CTSS: variants seen among roughly 807,000 people sequenced by gnomAD.
CTSS encodes cathepsin S.
In CTSS, 15 loss-of-function variants were observed where a neutral mutation model predicts 39.9. The ratio of observed to expected loss-of-function variants is 0.38; its 90% CI spans 0.25 to 0.58. CTSS has a LOEUF of 0.58. CTSS is among the 20% of genes least tolerant of loss of function. The pLI, the probability that CTSS is intolerant of heterozygous loss-of-function variation, is 0.70. For synonymous variants in CTSS, 126 were observed against 138.2 expected, an observed-to-expected ratio of 0.91 and a Z score of 0.62; for missense variants, 250 against 398.2, an observed-to-expected ratio of 0.63 and a Z score of 3.17.
intron 7 of CTSS, 95 bp from the exon 8 acceptor site, chr1:150,733,240 C>A: frequency 1.1e-6 from 1 of 870,666 alleles, no homozygotes; most frequent in African/African-American, 1.7e-5. Flanking sequence ...TAAGTGATTA[C>A]ATATGAAAGG....
intron 5 of CTSS, among the ~76,000 whole-genome samples, chr1:150,751,185 G>A (rs1026304437): frequency 6.6e-6 from 1 of 152,122 alleles, no homozygotes; most frequent in African/African-American, 2.4e-5. Context: ...GAATAAGGTT[G>A]AGCATGGGAG....
chr1:150,759,074 T>C (rs1653198493), intron 2 of CTSS, among the ~76,000 whole-genome samples: 1 of 151,092 alleles, frequency 6.6e-6, no homozygotes, highest in South Asian at 2.1e-4. Context: ...CTCCCTATGT[T>C]GCCTAGGCTG....
chr1:150,741,800 G>C (rs1652762201), intron 7 of CTSS, among the ~76,000 whole-genome samples: 1 of 151,976 alleles, frequency 6.6e-6, no homozygotes, highest in Non-Finnish European at 1.5e-5. Context: ...ACTTGAACCT[G>C]GGAGACGGAG....
chr1:150,755,272 G>T (rs1374099157), intron 3 of CTSS, 122 bp from the exon 4 acceptor site: 3 of 1,095,826 alleles, frequency 2.7e-6, no homozygotes, highest in Admixed American at 2.0e-5. Flanking sequence ...AACCTAGAGC[G>T]TATTGGCTCC....
intron 7 of CTSS, among the ~76,000 whole-genome samples, chr1:150,741,426 A>G (rs1176326073): frequency 6.6e-6 from 1 of 152,218 alleles, no homozygotes; most frequent in African/African-American, 2.4e-5. Flanking sequence ...TGATTATGTC[A>G]TAGTTTATTT....
intron 3 of CTSS, among the ~76,000 whole-genome samples, chr1:150,756,354 G>A (rs1653127596): frequency 6.6e-6 from 1 of 152,192 alleles, no homozygotes; most frequent in Admixed American, 6.5e-5. Flanking sequence ...ATAAGTAGGA[G>A]TACACTCTAA....
chr1:150,736,262 G>C (rs1383557268), intron 7 of CTSS, among the ~76,000 whole-genome samples: 1 of 152,106 alleles, frequency 6.6e-6, no homozygotes, highest in African/African-American at 2.4e-5. Flanking sequence ...CCTGTGAGGT[G>C]AATATTATCT....
At chr1:150,750,910 G>A (rs1371607057) in intron 5 of CTSS, among the ~76,000 whole-genome samples, 1 of 152,100 alleles carries the variant, frequency 6.6e-6, no homozygotes, top group East Asian at 1.9e-4. Context: ...CCAAAGTGCT[G>A]ACATTACAGG....
chr1:150,764,728 G>A lies in CTSS; in HGVS notation c.36C>T (p.Ser12=). 6.2e-7 allele frequency: 1 copy of A among 1,614,060 alleles called. No homozygotes were observed. The highest frequency in any genetic ancestry group is 8.5e-7 in the Non-Finnish European group (1 of 1,180,000). Residue 12 remains serine (S), a synonymous_variant, in exon 2 of 8, where the codon TCC becomes TCT. Coordinates refer to ENST00000368985, the MANE Select transcript of CTSS (RefSeq NM_004079.5). ...CTTTATGCAACTGTGCCACTGCAGA[G>A]GAGCACACCAAGAGCACACAAACCA... ...KRLVCVLLVC[S]SAVAQLHKDP... is the part of the protein sequence containing the mutation.
In CTSS at chr1:150,751,849, T is replaced by C; in HGVS notation, c.559A>G (p.Thr187Ala). 1 of 1,614,182 alleles carries C rather than the reference T, an allele frequency of 6.2e-7. No individual in the cohort carries two copies. Among genetic ancestry groups the C allele is most frequent in the Non-Finnish European group, 8.5e-7 (1 of 1,180,028 alleles). The change falls in exon 5 of 8, where the codon ACG becomes GCG. Residue 187 changes from threonine to alanine, a missense_variant. Transcript: ENST00000368985. ...NKGCNGGFMT[T>A]AFQYIIDNKG... ...TTATCAATGATGTACTGGAAAGCCG[T>C]TGTCATGAAGCCACCATTGCAGCCT... is the stretch of plus-strand genomic sequence containing the variant.
At chr1:150,737,021 AG>A (rs1652648368) in intron 7 of CTSS, among the ~76,000 whole-genome samples, 1 of 152,250 alleles carries the variant, frequency 6.6e-6, no homozygotes, top group South Asian at 2.1e-4. Flanking sequence ...TTTGGTATAT[AG>A]CCAATGCTTA....
At chr1:150,756,654 T>C (rs1470718339) in intron 3 of CTSS, among the ~76,000 whole-genome samples, 1 of 151,980 alleles carries the variant, frequency 6.6e-6, no homozygotes, top group Non-Finnish European at 1.5e-5. Flanking sequence ...AAAATGCATA[T>C]GACACATGAC....
intron 2 of CTSS, among the ~76,000 whole-genome samples, chr1:150,763,918 T>C (rs1653312495): frequency 6.6e-6 from 1 of 152,134 alleles, no homozygotes; most frequent in East Asian, 1.9e-4. Context: ...ACCTTCACTC[T>C]ATTATGTATT....
intron 3 of CTSS, among the ~76,000 whole-genome samples, chr1:150,756,707 T>C (rs953679205): frequency 1.4e-5 from 2 of 138,994 alleles, no homozygotes; most frequent in African/African-American, 5.2e-5. Flanking sequence ...TTTCTTTCTT[T>C]CTTTTTTTTT....
At position 150,764,683 on chromosome 1, in the gene CTSS, G is replaced by A. The variant is rs761829673; in HGVS notation, c.81C>T (p.His27=). Residue 27 remains histidine (H), a synonymous_variant, in exon 2 of 8, where the codon CAC becomes CAT. Transcript: ENST00000368985. ...CATAGGTTTTCTTCCAGAGATGCCA[G>A]TGGTGATCCAGGGTAGGATCTTTAT... ...QLHKDPTLDH[H]WHLWKKTYGK... The A allele has an allele frequency of 6.2e-7, 1 of 1,614,066 alleles. No individual in the cohort carries two copies. Among genetic ancestry groups the A allele is most frequent in the African/African-American group, 1.3e-5 (1 of 74,930 alleles).
intron 4 of CTSS, 71 bp downstream of exon 4, chr1:150,754,930 A>C: frequency 6.7e-7 from 1 of 1,490,110 alleles, no homozygotes; most frequent in East Asian, 2.3e-5. Context: ...TTCACTGTCA[A>C]ATTCTGTAGC....
intron 5 of CTSS, 91 bp downstream of exon 5, chr1:150,751,690 C>CA: frequency 9.0e-7 from 1 of 1,115,412 alleles, no homozygotes; most frequent in South Asian, 1.4e-5. Flanking sequence ...TACTGCTTCT[C>CA]AAGCAATTGG....
chr1:150,751,232 T>C (rs1652999222), intron 5 of CTSS, among the ~76,000 whole-genome samples: 1 of 152,058 alleles, frequency 6.6e-6, no homozygotes, highest in African/African-American at 2.4e-5. Context: ...GAGAAATAAT[T>C]TTAAGGATAG....
At chr1:150,760,506 A>G (rs1163938505) in intron 2 of CTSS, among the ~76,000 whole-genome samples, 1 of 152,222 alleles carries the variant, frequency 6.6e-6, no homozygotes, top group Non-Finnish European at 1.5e-5. Context: ...TCCTAGCCAG[A>G]GCAATTAGGC....
Sources: gnomAD v4.1 joint callset for allele counts (sites outside exome capture counted in the v4.1 genomes callset) on GRCh38, gnomAD v4.1.1 for gene constraint, MANE v1.5 for transcripts, NCBI Gene and HGNC (gene_info 2026-07-23, HGNC 2026-07-21) for gene names.